Variants in GRIK2 observed in about 807,000 individuals in gnomAD.
GRIK2 encodes the protein glutamate ionotropic receptor kainate type subunit 2.
A neutral mutation model predicts 100.3 loss-of-function variants in GRIK2; 32 were observed. The observed-to-expected ratio is 0.32, with a 90% CI of 0.24 to 0.43. The LOEUF (loss-of-function observed/expected upper bound fraction) is 0.43. GRIK2 is among the 20% of genes least tolerant of loss of function. The probability of loss-of-function intolerance (pLI) is 1.00; values close to 1 mark genes in which losing one functional copy is unlikely to be tolerated. For synonymous variants in GRIK2, 417 were observed against 389.4 expected, an observed-to-expected ratio of 1.07 and a Z score of -0.83; for missense variants, 843 against 1,114.9, an observed-to-expected ratio of 0.76 and a Z score of 3.47.
chr6:101,416,034 A>T (rs1360508130), intron 2 of GRIK2, among the ~76,000 whole-genome samples: 3 of 152,198 alleles, frequency 2.0e-5, no homozygotes, highest in African/African-American at 7.2e-5. Context: ...TTCACCACAG[A>T]AAGTACTTGA....
chr6:101,703,939 G>T (rs1247318554), intron 7 of GRIK2, among the ~76,000 whole-genome samples: 1 of 151,690 alleles, frequency 6.6e-6, no homozygotes, highest in Admixed American at 6.6e-5. Flanking sequence ...TTTTATTAGT[G>T]AAAAATGAAG....
chr6:101,405,228 A>G (rs879266599), intron 2 of GRIK2, among the ~76,000 whole-genome samples: 2 of 152,208 alleles, frequency 1.3e-5, no homozygotes, highest in Admixed American at 6.5e-5. Context: ...AGACTCATTA[A>G]TGCATTATCA....
At chr6:101,671,128 G>A (rs1770401902) in intron 4 of GRIK2, among the ~76,000 whole-genome samples, 1 of 152,112 alleles carries the variant, frequency 6.6e-6, no homozygotes, top group Admixed American at 6.5e-5. Flanking sequence ...AATTTTGTGA[G>A]AATGATAGAA....
chr6:101,913,239 T>G (rs1788874193), intron 12 of GRIK2, among the ~76,000 whole-genome samples: 1 of 151,564 alleles, frequency 6.6e-6, no homozygotes, highest in African/African-American at 2.4e-5. Context: ...TTAGTGATTG[T>G]TTTATTAACT....
chr6:101,721,144 T>C (rs1278671057), intron 7 of GRIK2, among the ~76,000 whole-genome samples: 1 of 152,088 alleles, frequency 6.6e-6, no homozygotes, highest in African/African-American at 2.4e-5. Context: ...CTATAGGTAC[T>C]CAGGACAGTT....
At chr6:102,033,811 C>T (rs1582758949) in intron 14 of GRIK2, among the ~76,000 whole-genome samples, 1 of 151,338 alleles carries the variant, frequency 6.6e-6, no homozygotes, top group East Asian at 1.9e-4. Context: ...ATTCTTGTTA[C>T]ACCAATTAAC....
At chr6:101,767,924 C>A (rs1778138329) in intron 7 of GRIK2, among the ~76,000 whole-genome samples, 1 of 152,060 alleles carries the variant, frequency 6.6e-6, no homozygotes. Flanking sequence ...GTGGTGCAAT[C>A]TCAGCTCACT....
chr6:101,395,757 G>A (rs1774978076), intron 1 of GRIK2, among the ~76,000 whole-genome samples: 1 of 152,006 alleles, frequency 6.6e-6, no homozygotes. Flanking sequence ...TCATAGGTTT[G>A]ATATTTGTGT....
intron 4 of GRIK2, among the ~76,000 whole-genome samples, chr6:101,635,072 TATG>T (rs1416429482): frequency 6.6e-6 from 1 of 152,122 alleles, no homozygotes; most frequent in Non-Finnish European, 1.5e-5. Flanking sequence ...ATTTTTATAT[TATG>T]AAGCATACAA....
intron 14 of GRIK2, among the ~76,000 whole-genome samples, chr6:101,976,681 T>C (rs1052442489): frequency 5.3e-5 from 8 of 151,596 alleles, no homozygotes; most frequent in African/African-American, 1.7e-4. Context: ...CAAAGAGACA[T>C]CCTGTTTCTT....
chr6:101,632,555 A>G (rs1780805827), intron 4 of GRIK2, among the ~76,000 whole-genome samples: 1 of 152,212 alleles, frequency 6.6e-6, no homozygotes, highest in African/African-American at 2.4e-5. Context: ...ATATATGGAC[A>G]TGACTCTTTT....
chr6:101,439,497 A>G (rs1187192730), intron 2 of GRIK2, among the ~76,000 whole-genome samples: 1 of 152,172 alleles, frequency 6.6e-6, no homozygotes, highest in Admixed American at 6.6e-5. Context: ...TAGATGAACT[A>G]CATTTTACAG....
At chr6:101,910,839 C>CCCCACACACACACACACACA (rs1554284827) in intron 12 of GRIK2, among the ~76,000 whole-genome samples, 4 of 143,266 alleles carry the variant, frequency 2.8e-5, no homozygotes, top group African/African-American at 5.3e-5. Flanking sequence ...CCAACATACA[C>CCCCACACACACACACACACA]CACACACACA....
At chr6:101,959,969 C>T (rs1792180922) in intron 14 of GRIK2, among the ~76,000 whole-genome samples, 1 of 151,362 alleles carries the variant, frequency 6.6e-6, no homozygotes, top group African/African-American at 2.4e-5. Context: ...GCTTTTTCTT[C>T]TTCTCCCTCA....
intron 2 of GRIK2, among the ~76,000 whole-genome samples, chr6:101,573,438 A>T (rs1777650670): frequency 6.6e-6 from 1 of 152,170 alleles, no homozygotes; most frequent in African/African-American, 2.4e-5. Flanking sequence ...AAGAAGCCAC[A>T]GGCCTTGAGA....
chr6:101,960,148 AT>A (rs1303042597), intron 14 of GRIK2, among the ~76,000 whole-genome samples: 4 of 149,218 alleles, frequency 2.7e-5, no homozygotes, highest in Admixed American at 2.7e-4. Flanking sequence ...AGGCTTCCAA[AT>A]GTATCTTGTA....
intron 9 of GRIK2, among the ~76,000 whole-genome samples, chr6:101,811,129 G>T (rs1781302141): frequency 6.6e-6 from 1 of 152,076 alleles, no homozygotes; most frequent in East Asian, 1.9e-4. Context: ...TAGGTCATAT[G>T]GTTGGGGGCA....
intron 7 of GRIK2, among the ~76,000 whole-genome samples, chr6:101,777,457 T>C (rs1778817850): frequency 6.6e-6 from 1 of 152,222 alleles, no homozygotes; most frequent in African/African-American, 2.4e-5. Flanking sequence ...ATATCTGTAT[T>C]ATCTAACTAA....
intron 7 of GRIK2, among the ~76,000 whole-genome samples, chr6:101,737,105 A>T: frequency 6.6e-6 from 1 of 152,002 alleles, no homozygotes; most frequent in Non-Finnish European, 1.5e-5. Context: ...CCTTGATTTC[A>T]TTGTCCATAT....
Sources: allele counts gnomAD v4.1 joint callset (sites outside exome capture counted in the v4.1 genomes callset), GRCh38; gene constraint gnomAD v4.1.1; transcripts MANE v1.5; gene names NCBI Gene and HGNC (gene_info 2026-07-23, HGNC 2026-07-21).